Variants in CNTN4 observed in about 807,000 individuals in gnomAD.
CNTN4 encodes the protein contactin 4.
Under a neutral mutation model 122.5 loss-of-function variants are expected in CNTN4, and 77 were observed. That is an observed-to-expected ratio of 0.63 (90% confidence interval 0.52 to 0.76). The LOEUF is 0.76. Among genes scored for constraint, CNTN4 ranks in the 30% least tolerant of loss-of-function variants. The probability of loss-of-function intolerance (pLI) is 0.00; values close to 1 mark genes in which losing one functional copy is unlikely to be tolerated. For synonymous variants in CNTN4, 512 were observed against 447.0 expected, an observed-to-expected ratio of 1.15 and a Z score of -1.83; for missense variants, 1,256 against 1,259.1, an observed-to-expected ratio of 1.00 and a Z score of 0.04.
intron 2 of CNTN4, among the ~76,000 whole-genome samples, chr3:2,138,304 G>C (rs1184187637): frequency 6.6e-6 from 1 of 152,072 alleles, no homozygotes; most frequent in Non-Finnish European, 1.5e-5. Context: ...CTGACCTCAA[G>C]TGATCCACCT....
chr3:2,834,997 C>T (rs557565347), intron 7 of CNTN4, among the ~76,000 whole-genome samples: 6 of 148,938 alleles, frequency 4.0e-5, no homozygotes, highest in African/African-American at 1.0e-4. Context: ...CTCCGCCTCC[C>T]GGGTTCACAC....
At chr3:2,557,750 C>CAAAA (rs1161308559) in intron 3 of CNTN4, among the ~76,000 whole-genome samples, 1 of 106,010 alleles carries the variant, frequency 9.4e-6, no homozygotes, top group Non-Finnish European at 2.0e-5. Flanking sequence ...GATTCTGTCT[C>CAAAA]AAAAAAAAAA....
At chr3:2,211,784 C>G (rs945775570) in intron 2 of CNTN4, among the ~76,000 whole-genome samples, 7 of 152,130 alleles carry the variant, frequency 4.6e-5, no homozygotes, top group Admixed American at 2.6e-4. Context: ...TTTAGTCAGT[C>G]AAATTATTTA....
intron 4 of CNTN4, among the ~76,000 whole-genome samples, chr3:2,622,282 T>C (rs2082019941): frequency 6.6e-6 from 1 of 152,140 alleles, no homozygotes; most frequent in South Asian, 2.1e-4. Flanking sequence ...TGGACAAGAA[T>C]ATAAAGACTT....
At chr3:2,424,820 T>C (rs970186210) in intron 3 of CNTN4, among the ~76,000 whole-genome samples, 1 of 152,242 alleles carries the variant, frequency 6.6e-6, no homozygotes, top group Non-Finnish European at 1.5e-5. Flanking sequence ...TGGCCAGTGA[T>C]GGTGAGCATT....
At chr3:2,708,572 T>C (rs1269726929) in intron 4 of CNTN4, among the ~76,000 whole-genome samples, 1 of 152,214 alleles carries the variant, frequency 6.6e-6, no homozygotes, top group Non-Finnish European at 1.5e-5. Flanking sequence ...AGCCCATTGG[T>C]ATGGGACTGA....
chr3:2,406,747 C>G (rs78646946), intron 3 of CNTN4, among the ~76,000 whole-genome samples: 1 of 152,102 alleles, frequency 6.6e-6, no homozygotes, highest in African/African-American at 2.4e-5. Context: ...TATGTGAAAT[C>G]TAACAGAGAG....
chr3:2,551,796 G>A (rs1338363043), intron 3 of CNTN4, among the ~76,000 whole-genome samples: 1 of 152,040 alleles, frequency 6.6e-6, no homozygotes, highest in Admixed American at 6.6e-5. Flanking sequence ...ATAATGGATT[G>A]TGTATTTAAC....
rs955008007 is a variant in CNTN4 at position 2,265,767 on chromosome 3, T to A, written c.-144-73411T>A. On this transcript the variant is annotated intron_variant, in intron 2 of 24. Transcript: ENST00000418658. ...CATCAGTGTTTTATATATATATATTTTTTTTTGTGGAGATCTTCCATGTCT... is the reference window on the plus strand; with the variant it reads ...CATCAGTGTTTTATATATATATATTATTTTTTGTGGAGATCTTCCATGTCT... Among the ~76,000 whole-genome samples the A allele has an allele frequency of 3.2e-4, 49 of 151,762 alleles. 1 individual carries two copies. In the South Asian group the frequency reaches 6.2e-3, roughly 19 times the overall value.
intron 3 of CNTN4, among the ~76,000 whole-genome samples, chr3:2,491,259 A>T (rs909532349): frequency 6.6e-6 from 1 of 152,202 alleles, no homozygotes; most frequent in Non-Finnish European, 1.5e-5. Flanking sequence ...ATGATTATCA[A>T]TAGAAATAAA....
chr3:2,184,123 C>T (rs1443553117), intron 2 of CNTN4, among the ~76,000 whole-genome samples: 1 of 152,056 alleles, frequency 6.6e-6, no homozygotes, highest in Non-Finnish European at 1.5e-5. Context: ...TATCACACAC[C>T]ATCACACGTG....
chr3:2,393,287 T>TA (rs1227175862), intron 3 of CNTN4, among the ~76,000 whole-genome samples: 2 of 152,124 alleles, frequency 1.3e-5, no homozygotes, highest in East Asian at 3.9e-4. Context: ...TAACTAGTTA[T>TA]ACCTGTAATG....
Position 2,556,198 on chromosome 3 carries a change from C to T in CNTN4, c.-88-15218C>T, listed in dbSNP as rs183713904. Reference sequence around the variant, plus strand: ...ACAAAAATTGGCACCAAGAGGCTAGCCTGAGTTTTATACCTGAAGGAAATG... The same window carrying T: ...ACAAAAATTGGCACCAAGAGGCTAGTCTGAGTTTTATACCTGAAGGAAATG... On this transcript the variant is annotated intron_variant, in intron 3 of 24. Coordinates refer to ENST00000418658, the MANE Select transcript of CNTN4 (RefSeq NM_175607.3). Among the ~76,000 whole-genome samples, 122 of 152,206 alleles carry T rather than the reference C, an allele frequency of 8.0e-4. 1 individual carries two copies. Among genetic ancestry groups the T allele is most frequent in the Non-Finnish European group, 2.9e-4 (20 of 68,012 alleles).
At chr3:2,565,175 C>T (rs1438675883) in intron 3 of CNTN4, among the ~76,000 whole-genome samples, 2 of 152,102 alleles carry the variant, frequency 1.3e-5, no homozygotes, top group Non-Finnish European at 1.5e-5. Context: ...ATGTCTGCCT[C>T]TTGTTTAATA....
At chr3:2,843,925 G>A (rs2093409429) in intron 7 of CNTN4, among the ~76,000 whole-genome samples, 1 of 152,130 alleles carries the variant, frequency 6.6e-6, no homozygotes, top group South Asian at 2.1e-4. Flanking sequence ...GCCCTCCAAA[G>A]GCTTTACTTC....
At chr3:2,347,142 C>T (rs2044425858) in intron 3 of CNTN4, among the ~76,000 whole-genome samples, 1 of 151,794 alleles carries the variant, frequency 6.6e-6, no homozygotes, top group African/African-American at 2.4e-5. Flanking sequence ...GTTCATGCTG[C>T]ATTATTAGCA....
intron 2 of CNTN4, among the ~76,000 whole-genome samples, chr3:2,104,459 G>T (rs1243423021): frequency 2.0e-5 from 3 of 152,140 alleles, no homozygotes; most frequent in East Asian, 1.9e-4. Context: ...AATAGATCCT[G>T]ACTGAGTGGC....
At chr3:2,543,724 T>G (rs986395869) in intron 3 of CNTN4, among the ~76,000 whole-genome samples, 6 of 152,182 alleles carry the variant, frequency 3.9e-5, no homozygotes, top group African/African-American at 1.4e-4. Flanking sequence ...TTTGCTGTGT[T>G]CACAAATGGT....
At chr3:2,881,414 G>A (rs1222952702) in intron 8 of CNTN4, among the ~76,000 whole-genome samples, 1 of 151,960 alleles carries the variant, frequency 6.6e-6, no homozygotes, top group Non-Finnish European at 1.5e-5. Context: ...TTGGGAGGCT[G>A]AGGCACAAGA....
Sources: gnomAD v4.1 joint callset for allele counts (sites outside exome capture counted in the v4.1 genomes callset) on GRCh38, gnomAD v4.1.1 for gene constraint, MANE v1.5 for transcripts, NCBI Gene and HGNC (gene_info 2026-07-23, HGNC 2026-07-21) for gene names.